Variants in MAS1 observed in about 807,000 individuals in gnomAD.
MAS1 encodes the protein MAS1 proto-oncogene, G protein-coupled receptor.
For missense variants in MAS1, 387 were observed against 409.7 expected (o/e 0.94, Z 0.48); for synonymous variants, 163 against 164.2 (o/e 0.99, Z 0.05).
intron 1 of MAS1, among the ~76,000 whole-genome samples, chr6:159,895,457 T>C (rs1562309079): frequency 6.6e-6 from 1 of 152,210 alleles, no homozygotes; most frequent in Non-Finnish European, 1.5e-5. Flanking sequence ...TTTTATAAAA[T>C]ACTCCAGTTG....
intron 1 of MAS1, among the ~76,000 whole-genome samples, chr6:159,895,981 A>G (rs1337670977): frequency 6.6e-6 from 1 of 152,212 alleles, no homozygotes; most frequent in East Asian, 1.9e-4. Context: ...ATCAGCAGCA[A>G]ATGGATATGT....
rs1442947197 is a variant in MAS1 at position 159,917,421 on chromosome 6, C to T, written c.*9488C>T. Among the ~76,000 whole-genome samples the T allele has an allele frequency of 1.3e-5, 2 of 152,132 alleles. No homozygotes were observed. The highest frequency in any genetic ancestry group is 2.9e-5 in the Non-Finnish European group (2 of 68,028). On this transcript the variant is annotated 3_prime_UTR_variant, in exon 3 of 3. Coordinates refer to ENST00000674077, the MANE Select transcript of MAS1 (RefSeq NM_002377.4). ...GGAATTATTGGAACTTTTCAGAGATCAGGAATAAAATGTTCATGCATGAGA... is the reference window on the plus strand; with the variant it reads ...GGAATTATTGGAACTTTTCAGAGATTAGGAATAAAATGTTCATGCATGAGA...
chr6:159,901,478 T>C (rs1161047216), intron 2 of MAS1, among the ~76,000 whole-genome samples: 6 of 152,118 alleles, frequency 3.9e-5, no homozygotes, highest in African/African-American at 1.4e-4. Flanking sequence ...GCATGCCTGT[T>C]GTCCTAGCTG....
intron 2 of MAS1, chr6:159,902,091 A>G (rs991142565): frequency 6.6e-6 from 1 of 152,086 alleles, no homozygotes; most frequent in Non-Finnish European, 1.5e-5. Context: ...AGGGGAGGTG[A>G]CCTGGGGTAA....
At chr6:159,893,728 G>A (rs1782725676) in intron 1 of MAS1, among the ~76,000 whole-genome samples, 1 of 152,142 alleles carries the variant, frequency 6.6e-6, no homozygotes, top group Non-Finnish European at 1.5e-5. Context: ...ATACATAAAT[G>A]TTATCTATGT....
Position 159,913,703 on chromosome 6 carries a change from C to T in MAS1, c.*5770C>T, listed in dbSNP as rs1236863131. The T allele has an allele frequency of 6.6e-6, 1 of 152,066 alleles. No individual in the cohort carries two copies. The allele number at this position is 152,066 out of a possible 1,614,324, so 9.4% of individuals were successfully genotyped here. On this transcript the variant is annotated 3_prime_UTR_variant, in exon 3 of 3. Coordinates refer to ENST00000674077, the MANE Select transcript of MAS1 (RefSeq NM_002377.4). ...CCTGAGACTTAGCTTTTCCTAAAGGCCAAAAATCAGCTATTGGGGTCTCAT... is the reference window on the plus strand; with the variant it reads ...CCTGAGACTTAGCTTTTCCTAAAGGTCAAAAATCAGCTATTGGGGTCTCAT...
intron 1 of MAS1, among the ~76,000 whole-genome samples, chr6:159,895,655 A>G (rs959440435): frequency 6.6e-6 from 1 of 152,264 alleles, no homozygotes; most frequent in African/African-American, 2.4e-5. Context: ...AAATAAATGC[A>G]AATTAAAACA....
chr6:159,904,422 G>T (rs892677009), intron 2 of MAS1, among the ~76,000 whole-genome samples: 9 of 152,068 alleles, frequency 5.9e-5, no homozygotes, highest in Non-Finnish European at 1.2e-4. Flanking sequence ...CGCTTCACCT[G>T]CACCTGTCCA....
At chr6:159,904,625 A>G (rs767909631) in intron 2 of MAS1, among the ~76,000 whole-genome samples, 3 of 152,034 alleles carry the variant, frequency 2.0e-5, no homozygotes, top group Non-Finnish European at 4.4e-5. Context: ...CATGGCCCCT[A>G]GAGTGTCACC....
chr6:159,910,595 C>A lies in MAS1; in HGVS notation c.*2662C>A, dbSNP rs1191341787. 6.6e-6 allele frequency: 1 copy of A among 152,278 alleles called. No homozygotes were observed. The highest frequency in any genetic ancestry group is 1.5e-5 in the Non-Finnish European group (1 of 68,088). 9.4% of individuals were successfully genotyped at this position (152,278 alleles called of 1,614,324 possible). A position where few individuals can be genotyped will look rare whatever the true frequency, so the allele number is the denominator to read the frequency against. Reference sequence around the variant, plus strand: ...GTAGCTTTGCTCACTGCTGTAGCCCCAGCTTATTTGCTGTGTTGGTCGAAT... The same window carrying A: ...GTAGCTTTGCTCACTGCTGTAGCCCAAGCTTATTTGCTGTGTTGGTCGAAT... On this transcript the variant is annotated 3_prime_UTR_variant, in exon 3 of 3. Coordinates refer to ENST00000674077, the MANE Select transcript of MAS1 (RefSeq NM_002377.4).
intron 2 of MAS1, among the ~76,000 whole-genome samples, chr6:159,904,389 G>A (rs568677132): frequency 2.5e-4 from 38 of 152,098 alleles, no homozygotes; most frequent in African/African-American, 8.7e-4. Context: ...CAGGCTTCTC[G>A]AACTCCACAG....
Position 159,909,219 on chromosome 6 carries a change from T to C in MAS1, c.*1286T>C, listed in dbSNP as rs921868367. On this transcript the variant is annotated 3_prime_UTR_variant, in exon 3 of 3. Transcript: ENST00000674077. Reference sequence around the variant, plus strand: ...CCGTCGCATAGCTATGTTTATTTCCTTCTGTCCCTTCTAGGAGTTCCACAA... The same window carrying C: ...CCGTCGCATAGCTATGTTTATTTCCCTCTGTCCCTTCTAGGAGTTCCACAA... 6.6e-6 allele frequency: 1 copy of C among 152,326 alleles called. No homozygotes were observed. The highest frequency in any genetic ancestry group is 2.4e-5 in the African/African-American group (1 of 41,570). 9.4% of individuals were successfully genotyped at this position (152,326 alleles called of 1,614,324 possible).
Position 159,913,579 on chromosome 6 carries a change from G to A in MAS1, c.*5646G>A, listed in dbSNP as rs978016896. The A allele has an allele frequency of 2.0e-5, 3 of 152,130 alleles. No homozygotes were observed. The highest frequency in any genetic ancestry group is 1.3e-4 in the Admixed American group (2 of 15,274). 9.4% of individuals were successfully genotyped at this position (152,130 alleles called of 1,614,324 possible). ...ACACTCACAAGGCTGGTCATTTCCT[G>A]GGGCTCAGCTGGAAAGGTGGACCAG... is the stretch of plus-strand genomic sequence containing the variant. On this transcript the variant is annotated 3_prime_UTR_variant, in exon 3 of 3. Transcript: ENST00000674077.
chr6:159,892,550 T>A (rs1782711226), intron 1 of MAS1, among the ~76,000 whole-genome samples: 1 of 152,114 alleles, frequency 6.6e-6, no homozygotes, highest in African/African-American at 2.4e-5. Flanking sequence ...TGAATGGGAA[T>A]GTGGAAGGGG....
intron 1 of MAS1, among the ~76,000 whole-genome samples, chr6:159,897,706 C>T (rs1179681072): frequency 1.3e-5 from 2 of 152,168 alleles, no homozygotes; most frequent in African/African-American, 4.8e-5. Context: ...TGAGATCTCA[C>T]ACTGTCATAA....
rs1344247075 is a variant in MAS1, at chr6:159,916,873, A to G, written c.*8940A>G. On this transcript the variant is annotated 3_prime_UTR_variant, in exon 3 of 3. Coordinates refer to ENST00000674077, the MANE Select transcript of MAS1 (RefSeq NM_002377.4). ...GTGAAAGCAGACACTGCTTAGATGA[A>G]CGAGGATGGCGGCACGCCAACAAAT... 6.6e-6 allele frequency among the ~76,000 whole-genome samples: 1 copy of G among 152,284 alleles called. No homozygotes were observed. The highest frequency in any genetic ancestry group is 1.5e-5 in the Non-Finnish European group (1 of 68,054).
intron 2 of MAS1, among the ~76,000 whole-genome samples, chr6:159,899,896 AT>A (rs1782803492): frequency 6.6e-6 from 1 of 151,628 alleles, no homozygotes; most frequent in African/African-American, 2.4e-5. Context: ...AAATACAAAA[AT>A]TAGCTGGGTC....
intron 1 of MAS1, among the ~76,000 whole-genome samples, chr6:159,895,390 G>A (rs1374014000): frequency 2.6e-5 from 4 of 152,200 alleles, no homozygotes; most frequent in Admixed American, 2.0e-4. Context: ...AGGATGGTCT[G>A]ACTTTACCAA....
chr6:159,891,379 C>T (rs1489661185), intron 1 of MAS1, among the ~76,000 whole-genome samples: 1 of 152,216 alleles, frequency 6.6e-6, no homozygotes, highest in South Asian at 2.1e-4. Context: ...TGTTTTTCAA[C>T]TTCAGGGTTG....
Sources: gnomAD v4.1 joint callset for allele counts (sites outside exome capture counted in the v4.1 genomes callset) on GRCh38, gnomAD v4.1.1 for gene constraint, MANE v1.5 for transcripts, NCBI Gene and HGNC (gene_info 2026-07-23, HGNC 2026-07-21) for gene names.